The following AHCYL2 variants were observed in gnomAD, a reference collection of about 807,000 sequenced individuals.
AHCYL2 encodes adenosylhomocysteinase like 2.
AHCYL2 carries 28 observed loss-of-function variants against 81.4 expected under a neutral mutation model. The observed-to-expected ratio is 0.34, with a 90% CI of 0.25 to 0.47. The LOEUF (loss-of-function observed/expected upper bound fraction) is 0.47, where lower values mean the gene tolerates loss of function less well. Among genes scored for constraint, AHCYL2 ranks in the 20% least tolerant of loss-of-function variants. The probability of loss-of-function intolerance (pLI) is 1.00; values close to 1 mark genes in which losing one functional copy is unlikely to be tolerated. For missense variants in AHCYL2, 551 were observed against 785.1 expected (o/e 0.70, Z 3.56); for synonymous variants, 272 against 290.2 (o/e 0.94, Z 0.64).
chr7:129,244,741 G>T (rs893875138), intron 1 of AHCYL2, among the ~76,000 whole-genome samples: 2 of 152,194 alleles, frequency 1.3e-5, no homozygotes, highest in Admixed American at 1.3e-4. Context: ...ATCTTTTGGG[G>T]GAACACAAAC....
intron 1 of AHCYL2, among the ~76,000 whole-genome samples, chr7:129,361,691 A>G (rs188543249): frequency 6.6e-6 from 1 of 152,206 alleles, no homozygotes. Flanking sequence ...GTGCAGTGGC[A>G]TGATCATAGA....
chr7:129,252,766 CTGAT>C (rs1011424630), intron 1 of AHCYL2, among the ~76,000 whole-genome samples: 33 of 151,962 alleles, frequency 2.2e-4, no homozygotes, highest in East Asian at 1.9e-3. Context: ...GACCTTGTCT[CTGAT>C]TGATTGATAG....
chr7:129,246,298 T>G (rs940807632), intron 1 of AHCYL2, among the ~76,000 whole-genome samples: 16 of 152,314 alleles, frequency 1.1e-4, no homozygotes, highest in Non-Finnish European at 2.1e-4. Flanking sequence ...CCTAAGGTGA[T>G]CCACCCGCCT....
At chr7:129,229,031 G>A (rs1390456241) in intron 1 of AHCYL2, among the ~76,000 whole-genome samples, 1 of 150,316 alleles carries the variant, frequency 6.7e-6, no homozygotes, top group Non-Finnish European at 1.5e-5. Context: ...ATTGGCAGTT[G>A]GTCTGTAATA....
At chr7:129,236,462 A>G (rs1563161153) in intron 1 of AHCYL2, among the ~76,000 whole-genome samples, 1 of 151,880 alleles carries the variant, frequency 6.6e-6, no homozygotes, top group Non-Finnish European at 1.5e-5. Context: ...CGGCCTCCCA[A>G]AGTGCTGGGA....
At position 129,387,472 on chromosome 7, in the gene AHCYL2, T is replaced by C. The variant is rs745782135; in HGVS notation, c.476-1584T>C. The stretch of plus-strand genomic sequence containing the variant: ...CATGACCGCTATATTTAAATGGCCA[T>C]TGGGAAGCATAAAAATCATCATGAC... On this transcript the variant is annotated intron_variant, in intron 2 of 16. Transcript: ENST00000325006. Among the ~76,000 whole-genome samples the C allele has an allele frequency of 8.2e-4, 125 of 152,210 alleles. 1 individual carries two copies. Among genetic ancestry groups the C allele is most frequent in the Non-Finnish European group, 2.8e-4 (19 of 68,038 alleles).
intron 1 of AHCYL2, among the ~76,000 whole-genome samples, chr7:129,263,301 A>C (rs1005062005): frequency 2.0e-5 from 3 of 152,196 alleles, no homozygotes; most frequent in Non-Finnish European, 4.4e-5. Flanking sequence ...TGGTAGAACC[A>C]CACCATTTCT....
chr7:129,285,571 C>T (rs948678897), intron 1 of AHCYL2, among the ~76,000 whole-genome samples: 21 of 152,262 alleles, frequency 1.4e-4, no homozygotes, highest in African/African-American at 4.3e-4. Context: ...TTAGGTTGAA[C>T]TTACTGCCAA....
intron 1 of AHCYL2, among the ~76,000 whole-genome samples, chr7:129,258,922 C>A (rs1795522940): frequency 6.6e-6 from 1 of 152,150 alleles, no homozygotes; most frequent in Middle Eastern, 3.2e-3. Context: ...TTAGGGCATT[C>A]CTTTATTACA....
intron 1 of AHCYL2, among the ~76,000 whole-genome samples, chr7:129,230,594 A>G (rs569111438): frequency 2.1e-5 from 3 of 141,172 alleles, no homozygotes; most frequent in Admixed American, 7.2e-5. Context: ...TTTTTTTGAG[A>G]TGGAGTCTTG....
In AHCYL2 at chr7:129,366,884, AAC is replaced by A. The variant is rs1322592718; in HGVS notation, c.364-12750_364-12749del. Among the ~76,000 whole-genome samples, 5 of 152,308 alleles carry A rather than the reference AAC, an allele frequency of 3.3e-5. No homozygotes were observed. In the East Asian group the frequency reaches 7.7e-4, roughly 24 times the overall value. The stretch of plus-strand genomic sequence containing the variant: ...GATGACATGTGCCCAAGGTGGTCAG[AAC>A]ACAGTTTGGTTTTATACATTTTAAG... On this transcript the variant is annotated intron_variant, in intron 1 of 16. Coordinates refer to ENST00000325006, the MANE Select transcript of AHCYL2 (RefSeq NM_015328.4).
intron 2 of AHCYL2, among the ~76,000 whole-genome samples, chr7:129,384,570 CA>C (rs1563225135): frequency 6.6e-6 from 1 of 151,844 alleles, no homozygotes; most frequent in South Asian, 2.1e-4. Context: ...TATGAGATTT[CA>C]AAAAAAGATA....
In AHCYL2 at chr7:129,328,738, G is replaced by C. The variant is rs888175225; in HGVS notation, c.364-50900G>C. On this transcript the variant is annotated intron_variant, in intron 1 of 16. Coordinates refer to ENST00000325006, the MANE Select transcript of AHCYL2 (RefSeq NM_015328.4). The stretch of plus-strand genomic sequence containing the variant: ...TGACCTCAAATGAGCCACCCGTCTC[G>C]GCCTCCCAAAGTGTTGGGATTACAG... Among the ~76,000 whole-genome samples, 5 of 151,442 alleles carry C rather than the reference G, an allele frequency of 3.3e-5. 1 individual carries two copies.
chr7:129,277,421 G>T (rs1156723722), intron 1 of AHCYL2, among the ~76,000 whole-genome samples: 1 of 151,954 alleles, frequency 6.6e-6, no homozygotes, highest in Non-Finnish European at 1.5e-5. Flanking sequence ...GGAATTACAG[G>T]TGCGCACCAC....
intron 1 of AHCYL2, among the ~76,000 whole-genome samples, chr7:129,335,553 T>C (rs1798571616): frequency 6.6e-6 from 1 of 152,184 alleles, no homozygotes; most frequent in Non-Finnish European, 1.5e-5. Flanking sequence ...TGGGAATGGC[T>C]CAGCTGGATA....
intron 1 of AHCYL2, among the ~76,000 whole-genome samples, chr7:129,360,830 A>G (rs1278363621): frequency 1.3e-5 from 2 of 152,228 alleles, no homozygotes; most frequent in African/African-American, 4.8e-5. Context: ...GAAAGGTCTT[A>G]TATGTCATCA....
chr7:129,236,707 A>G (rs1327245587), intron 1 of AHCYL2, among the ~76,000 whole-genome samples: 2 of 152,216 alleles, frequency 1.3e-5, no homozygotes, highest in Non-Finnish European at 2.9e-5. Context: ...ACGATACACG[A>G]AACAACTCTT....
chr7:129,271,494 G>A (rs1037318616), intron 1 of AHCYL2, among the ~76,000 whole-genome samples: 2 of 151,940 alleles, frequency 1.3e-5, no homozygotes. Flanking sequence ...ATACTATTAA[G>A]CAATGGAAAT....
chr7:129,244,602 A>G (rs766461120), intron 1 of AHCYL2, among the ~76,000 whole-genome samples: 2 of 152,124 alleles, frequency 1.3e-5, no homozygotes, highest in African/African-American at 2.4e-5. Flanking sequence ...AGGGAAGGGA[A>G]TTCTCTGGGA....
Sources: allele counts gnomAD v4.1 joint callset (sites outside exome capture counted in the v4.1 genomes callset), GRCh38; gene constraint gnomAD v4.1.1; transcripts MANE v1.5; gene names NCBI Gene and HGNC (gene_info 2026-07-23, HGNC 2026-07-21).